The following CTDSPL2 variants were observed in gnomAD, a reference collection of about 807,000 sequenced individuals.
CTDSPL2 encodes CTD small phosphatase-like protein 2.
Under a neutral mutation model 60.0 loss-of-function variants are expected in CTDSPL2, and 5 were observed. The ratio of observed to expected loss-of-function variants is 0.08; its 90% CI spans 0.04 to 0.18. The LOEUF is 0.18. CTDSPL2 is among the 10% of genes least tolerant of loss of function. The pLI, the probability that CTDSPL2 is intolerant of heterozygous loss-of-function variation, is 1.00. For synonymous variants in CTDSPL2, 186 were observed against 189.3 expected, an observed-to-expected ratio of 0.98 and a Z score of 0.14; for missense variants, 370 against 548.8, an observed-to-expected ratio of 0.67 and a Z score of 3.26.
At chr15:44,511,271 T>G (rs1355171383) in intron 8 of CTDSPL2, among the ~76,000 whole-genome samples, 1 of 152,228 alleles carries the variant, frequency 6.6e-6, no homozygotes, top group Non-Finnish European at 1.5e-5. Context: ...ACAAACACAT[T>G]TTGAAAGCAA....
chr15:44,455,844 T>G (rs2080425815), intron 1 of CTDSPL2, among the ~76,000 whole-genome samples: 2 of 119,622 alleles, frequency 1.7e-5, no homozygotes, highest in Non-Finnish European at 3.5e-5. Context: ...TGAGGATTTT[T>G]TTTTTTTTTT....
intron 1 of CTDSPL2, among the ~76,000 whole-genome samples, chr15:44,446,006 G>A (rs111860482): frequency 0.1 from 14,426 of 144,280 alleles, 1,499 homozygotes; most frequent in African/African-American, 0.25. Flanking sequence ...GCTCACTGCA[G>A]CCTCCACCTC....
At chr15:44,486,411 C>A in intron 3 of CTDSPL2, 140 bp from the exon 4 acceptor site, 1 of 575,882 alleles carries the variant, frequency 1.7e-6, no homozygotes, top group Non-Finnish European at 2.9e-6. Flanking sequence ...CTTTAATAAG[C>A]TTTCCTGAAC....
chr15:44,448,400 C>CCA (rs1841878535), intron 1 of CTDSPL2: 1 of 250,672 alleles, frequency 4.0e-6, no homozygotes, highest in African/African-American at 2.2e-5. Context: ...CCCACACGAT[C>CCA]CACACCATGG....
intron 5 of CTDSPL2, 84 bp from the exon 6 acceptor site, chr15:44,496,296 A>G (rs2081298713): frequency 3.2e-6 from 3 of 926,294 alleles, no homozygotes; most frequent in East Asian, 2.5e-5. Context: ...GGCTTTAGGA[A>G]GATCTTAGAT....
chr15:44,468,598 A>G (rs1290465434), intron 2 of CTDSPL2, among the ~76,000 whole-genome samples: 2 of 152,178 alleles, frequency 1.3e-5, no homozygotes, highest in African/African-American at 4.8e-5. Flanking sequence ...AACATTTTCT[A>G]TAAATATTTC....
chr15:44,454,770 A>T (rs8037040), intron 1 of CTDSPL2, among the ~76,000 whole-genome samples: 68,603 of 151,246 alleles, frequency 0.45, 15,606 homozygotes, highest in South Asian at 0.54. Flanking sequence ...GGCTCTGTTC[A>T]GTCCCATTGG....
chr15:44,500,505 T>C (rs2081367859), intron 8 of CTDSPL2, among the ~76,000 whole-genome samples: 1 of 152,202 alleles, frequency 6.6e-6, no homozygotes, highest in African/African-American at 2.4e-5. Context: ...CGTTTCTGTT[T>C]TGGAGGTTGT....
intron 1 of CTDSPL2, among the ~76,000 whole-genome samples, chr15:44,453,904 A>T (rs904643039): frequency 6.6e-6 from 1 of 152,100 alleles, no homozygotes; most frequent in African/African-American, 2.4e-5. Context: ...ATGTGTCTTT[A>T]TAGCAGCATG....
intron 8 of CTDSPL2, among the ~76,000 whole-genome samples, chr15:44,513,800 A>C (rs2081606488): frequency 6.6e-6 from 1 of 152,238 alleles, no homozygotes; most frequent in Non-Finnish European, 1.5e-5. Context: ...TAGAGGAGTC[A>C]GAATGTAAAT....
chr15:44,448,635 C>T (rs2080269868), intron 1 of CTDSPL2: 1 of 316,772 alleles, frequency 3.2e-6, no homozygotes, highest in South Asian at 3.0e-5. Context: ...GGGGGTCCCT[C>T]CTCCATTTCT....
chr15:44,435,026 C>T (rs1490902963), intron 1 of CTDSPL2, among the ~76,000 whole-genome samples: 2 of 152,054 alleles, frequency 1.3e-5, no homozygotes, highest in Non-Finnish European at 2.9e-5. Context: ...CTTTCGGAGG[C>T]CAAGGCAGGC....
chr15:44,514,717 A>G (rs1288238923), intron 9 of CTDSPL2, 48 bp from the exon 10 acceptor site: 5 of 1,516,650 alleles, frequency 3.3e-6, no homozygotes, highest in Non-Finnish European at 3.7e-6. Flanking sequence ...TATAGTACCC[A>G]TATTTAGACC....
intron 1 of CTDSPL2, among the ~76,000 whole-genome samples, chr15:44,452,573 G>A (rs1189919807): frequency 1.3e-5 from 2 of 152,080 alleles, no homozygotes; most frequent in Non-Finnish European, 2.9e-5. Context: ...TGAAATCAGT[G>A]AGTCAAAGAG....
In CTDSPL2 at chr15:44,524,247, C is replaced by A; in HGVS notation, c.*73C>A. ...TTTTGGACTAAGACAAAAACATTGC[C>A]ATTACTGTTGAAATTTTGCATTTTT... On this transcript the variant is annotated 3_prime_UTR_variant, in exon 13 of 13. Coordinates refer to ENST00000260327, the MANE Select transcript of CTDSPL2 (RefSeq NM_016396.3). 2 of 1,291,254 alleles carry A rather than the reference C, an allele frequency of 1.5e-6. No individual in the cohort carries two copies. The highest frequency in any genetic ancestry group is 1.2e-5 in the South Asian group (1 of 82,480). The allele number at this position is 1,291,254 out of a possible 1,614,324, so 80.0% of individuals were successfully genotyped here.
intron 1 of CTDSPL2, among the ~76,000 whole-genome samples, chr15:44,452,457 A>G (rs1409364668): frequency 1.3e-5 from 2 of 152,082 alleles, no homozygotes; most frequent in Non-Finnish European, 2.9e-5. Flanking sequence ...TGTTGTTTCC[A>G]GTTTGGGACT....
intron 1 of CTDSPL2, among the ~76,000 whole-genome samples, chr15:44,435,251 C>T (rs1246048165): frequency 6.6e-5 from 9 of 136,764 alleles, no homozygotes; most frequent in African/African-American, 2.5e-4. Context: ...AGTGAGACTC[C>T]GTCTCAAAAA....
chr15:44,480,235 T>C (rs1368513995), intron 2 of CTDSPL2, among the ~76,000 whole-genome samples: 1 of 152,154 alleles, frequency 6.6e-6, no homozygotes, highest in Non-Finnish European at 1.5e-5. Flanking sequence ...CCCTCCCCCT[T>C]ATTTCATTTG....
chr15:44,508,661 C>T (rs938384468), intron 8 of CTDSPL2, among the ~76,000 whole-genome samples: 1 of 152,024 alleles, frequency 6.6e-6, no homozygotes, highest in Non-Finnish European at 1.5e-5. Flanking sequence ...TGTGGCTAGC[C>T]CCTGTAATCC....
Sources: gnomAD v4.1 joint callset for allele counts (sites outside exome capture counted in the v4.1 genomes callset) on GRCh38, gnomAD v4.1.1 for gene constraint, MANE v1.5 for transcripts, NCBI Gene and HGNC (gene_info 2026-07-23, HGNC 2026-07-21) for gene names.